Variants in B3GALT1 observed in about 807,000 individuals in gnomAD.
B3GALT1 encodes the protein UDP-Gal:betaGlcNAc beta 1,3-galactosyltransferase, polypeptide 1.
In B3GALT1, 10 loss-of-function variants were observed where a neutral mutation model predicts 23.2. That is an observed-to-expected ratio of 0.43 (90% CI 0.27 to 0.73). The LOEUF (loss-of-function observed/expected upper bound fraction) is 0.73, where lower values mean the gene tolerates loss of function less well. Ranked by LOEUF, B3GALT1 falls within the 30% of genes least tolerant of loss-of-function variation. The pLI, the probability that B3GALT1 is intolerant of heterozygous loss-of-function variation, is 0.21. For synonymous variants in B3GALT1, 156 were observed against 141.5 expected (o/e 1.10, Z -0.73); for missense variants, 299 against 405.4 (o/e 0.74, Z 2.25).
intron 4 of B3GALT1, among the ~76,000 whole-genome samples, chr2:167,823,215 G>T (rs1689143951): frequency 6.6e-6 from 1 of 152,190 alleles, no homozygotes; most frequent in Non-Finnish European, 1.5e-5. Flanking sequence ...TGTTACACAA[G>T]AAATAACCAC....
chr2:167,374,080 G>A (rs1162786350), intron 1 of B3GALT1, among the ~76,000 whole-genome samples: 2 of 152,204 alleles, frequency 1.3e-5, no homozygotes, highest in South Asian at 2.1e-4. Flanking sequence ...AGTACCCAAC[G>A]TTTAGCTCTC....
At chr2:167,514,968 ATTATC>A (rs1184081197) in intron 2 of B3GALT1, among the ~76,000 whole-genome samples, 3 of 152,120 alleles carry the variant, frequency 2.0e-5, no homozygotes, top group African/African-American at 7.2e-5. Context: ...TGTTATGATC[ATTATC>A]TTATTATCAT....
intron 4 of B3GALT1, among the ~76,000 whole-genome samples, chr2:167,837,535 G>C (rs1558997241): frequency 6.6e-6 from 1 of 150,780 alleles, no homozygotes; most frequent in Non-Finnish European, 1.5e-5. Flanking sequence ...AGCAAGTCCT[G>C]AGTGACCTAC....
intron 2 of B3GALT1, chr2:167,631,419 A>G (rs1685441633): frequency 6.6e-6 from 1 of 151,854 alleles, no homozygotes; most frequent in Non-Finnish European, 1.5e-5. Context: ...AAAACTCTAG[A>G]TTAATGTTAG....
chr2:167,313,118 G>A (rs1291222519), intron 1 of B3GALT1, among the ~76,000 whole-genome samples: 1 of 152,044 alleles, frequency 6.6e-6, no homozygotes, highest in South Asian at 2.1e-4. Flanking sequence ...TTTGCCAGAT[G>A]CTACAACAAC....
intron 1 of B3GALT1, among the ~76,000 whole-genome samples, chr2:167,479,931 A>G (rs1219916430): frequency 2.0e-5 from 3 of 152,114 alleles, no homozygotes; most frequent in African/African-American, 7.2e-5. Flanking sequence ...TTTCCACATC[A>G]TAGGGATGTG....
At chr2:167,534,803 C>T (rs189837315) in intron 2 of B3GALT1, among the ~76,000 whole-genome samples, 1 of 152,136 alleles carries the variant, frequency 6.6e-6, no homozygotes, top group Non-Finnish European at 1.5e-5. Flanking sequence ...TTGTTAGTAC[C>T]ACTGTTCTTA....
rs138260906 is a variant in B3GALT1 at position 167,596,109 on chromosome 2, C to A, written c.-409-50800C>A. On this transcript the variant is annotated intron_variant, in intron 2 of 4. Transcript: ENST00000392690. Reference sequence around the variant, plus strand: ...GAGAAATTAAATTTCTTCCTTTTAGCCTAGAAGAGCGTAGATATTTTGAGA... The same window carrying A: ...GAGAAATTAAATTTCTTCCTTTTAGACTAGAAGAGCGTAGATATTTTGAGA... Among the ~76,000 whole-genome samples the A allele has an allele frequency of 3.3e-3, 505 of 152,254 alleles. 2 individuals carry two copies. Among genetic ancestry groups the A allele is most frequent in the African/African-American group, 0.012 (478 of 41,552 alleles).
intron 1 of B3GALT1, among the ~76,000 whole-genome samples, chr2:167,338,053 A>G (rs891898656): frequency 6.6e-6 from 1 of 152,174 alleles, no homozygotes; most frequent in Admixed American, 6.5e-5. Context: ...ACTGAATATT[A>G]TAGATTGAAA....
chr2:167,583,355 T>A (rs1320771804), intron 2 of B3GALT1, among the ~76,000 whole-genome samples: 2 of 152,218 alleles, frequency 1.3e-5, no homozygotes, highest in Non-Finnish European at 2.9e-5. Flanking sequence ...TGCTGTGATC[T>A]GTCATTTTCG....
chr2:167,739,941 A>AC lies in B3GALT1; in HGVS notation c.-351-78731_-351-78730insC, dbSNP rs1220215828. On this transcript the variant is annotated intron_variant, in intron 3 of 4. Transcript: ENST00000392690. ...AGTTGTCTCTACAAAAAAACAAACA[A>AC]AAAAAAAAAAATCTAGGCGTGGTGG... 5.6e-4 allele frequency among the ~76,000 whole-genome samples: 82 copies of AC among 146,580 alleles called. 1 individual carries two copies. The highest frequency in any genetic ancestry group is 1.9e-3 in the African/African-American group (74 of 39,596).
intron 2 of B3GALT1, among the ~76,000 whole-genome samples, chr2:167,560,116 ACT>A (rs1683944012): frequency 6.6e-6 from 1 of 152,152 alleles, no homozygotes; most frequent in Admixed American, 6.5e-5. Context: ...CTCAGCAGAA[ACT>A]CTACAAGCCA....
intron 3 of B3GALT1, chr2:167,714,233 T>G: frequency 6.7e-7 from 1 of 1,503,632 alleles, no homozygotes; most frequent in South Asian, 1.1e-5. Flanking sequence ...AGGATATGAT[T>G]GTCCTGGTGG....
intron 1 of B3GALT1, among the ~76,000 whole-genome samples, chr2:167,405,745 C>T (rs1396018553): frequency 2.0e-5 from 3 of 152,046 alleles, no homozygotes; most frequent in African/African-American, 7.2e-5. Flanking sequence ...TATTTAATCC[C>T]ATTTATCTTA....
chr2:167,646,946 G>A lies in B3GALT1; in HGVS notation c.-372G>A, dbSNP rs79068432. On this transcript the variant is annotated 5_prime_UTR_variant, in exon 3 of 5. Coordinates refer to ENST00000392690, the MANE Select transcript of B3GALT1 (RefSeq NM_020981.4). ...GCTGCTGGGTCCTCAGAAGTGTTCT[G>A]GAGATCGCCTCTTTGAAAGCGTAAG... is the stretch of plus-strand genomic sequence containing the variant. Among the ~76,000 whole-genome samples the A allele has an allele frequency of 0.042, 6,330 of 152,088 alleles. 447 individuals carry two copies. The highest frequency in any genetic ancestry group is 0.14 in the African/African-American group (6,005 of 41,452).
intron 2 of B3GALT1, among the ~76,000 whole-genome samples, chr2:167,644,378 A>G (rs1160829882): frequency 6.6e-6 from 1 of 152,188 alleles, no homozygotes; most frequent in Non-Finnish European, 1.5e-5. Context: ...TGAAAGGAGC[A>G]CTACCATTTA....
intron 1 of B3GALT1, among the ~76,000 whole-genome samples, chr2:167,427,396 A>T (rs565657175): frequency 1.3e-5 from 2 of 152,308 alleles, no homozygotes; most frequent in South Asian, 4.1e-4. Context: ...TATAAATGTT[A>T]ATATTTATAA....
intron 2 of B3GALT1, among the ~76,000 whole-genome samples, chr2:167,540,857 C>T (rs1350696076): frequency 6.6e-6 from 1 of 152,134 alleles, no homozygotes; most frequent in East Asian, 1.9e-4. Flanking sequence ...TTCATTCAAA[C>T]AAGGCTACCA....
intron 4 of B3GALT1, among the ~76,000 whole-genome samples, chr2:167,820,881 T>C (rs570072407): frequency 6.7e-6 from 1 of 149,458 alleles, no homozygotes; most frequent in East Asian, 1.9e-4. Flanking sequence ...TGTTCTGATG[T>C]TTGTTTATAT....
Sources: allele counts gnomAD v4.1 joint callset (sites outside exome capture counted in the v4.1 genomes callset), GRCh38; gene constraint gnomAD v4.1.1; transcripts MANE v1.5; gene names NCBI Gene and HGNC (gene_info 2026-07-23, HGNC 2026-07-21).